Variants in CYFIP1 observed in about 807,000 individuals in gnomAD.
The protein encoded by CYFIP1 is cytoplasmic FMR1-interacting protein 1.
A neutral mutation model predicts 163.5 loss-of-function variants in CYFIP1; 58 were observed. The observed-to-expected ratio is 0.35, with a 90% CI of 0.29 to 0.44. CYFIP1 has a LOEUF of 0.44. Among genes scored for constraint, CYFIP1 ranks in the 20% least tolerant of loss-of-function variants. The probability of loss-of-function intolerance (pLI) is 1.00; values close to 1 mark genes in which losing one functional copy is unlikely to be tolerated. For missense variants in CYFIP1, 1,338 were observed against 1,653.8 expected (o/e 0.81, Z 3.31); for synonymous variants, 663 against 660.7 (o/e 1.00, Z -0.05).
At chr15:22,930,134 G>A (rs1263927219) in intron 11 of CYFIP1, among the ~76,000 whole-genome samples, 2 of 151,702 alleles carry the variant, frequency 1.3e-5, no homozygotes, top group African/African-American at 4.8e-5. Context: ...CGAGACGGGT[G>A]GATCACCAGG....
chr15:22,955,838 A>G (rs965600546), intron 1 of CYFIP1, among the ~76,000 whole-genome samples: 37 of 152,076 alleles, frequency 2.4e-4, no homozygotes, highest in Non-Finnish European at 1.6e-4. Context: ...CAGACATCCC[A>G]GGAGATGGGA....
intron 11 of CYFIP1, among the ~76,000 whole-genome samples, chr15:22,928,814 G>A (rs1164932149): frequency 6.6e-6 from 1 of 152,136 alleles, no homozygotes; most frequent in Non-Finnish European, 1.5e-5. Flanking sequence ...GAAATGCAAT[G>A]CCTAGAAGTC....
chr15:22,956,468 G>GA (rs748521810), intron 1 of CYFIP1, among the ~76,000 whole-genome samples: 4 of 151,568 alleles, frequency 2.6e-5, no homozygotes, highest in East Asian at 1.9e-4. Context: ...AAGGGAAAAG[G>GA]AAAAAAAAAG....
chr15:22,869,886 TTTA>T lies in CYFIP1; in HGVS notation c.*139_*141del. On this transcript the variant is annotated 3_prime_UTR_variant, in exon 31 of 31. Coordinates refer to ENST00000617928, the MANE Select transcript of CYFIP1 (RefSeq NM_014608.6). The stretch of plus-strand genomic sequence containing the variant: ...TTTTAGTCTAGAAAAATAAGTCAAT[TTTA>T]TAAAATTAAGTTTTTAGATCGAAAA... 1 of 692,290 alleles carries T rather than the reference TTTA, an allele frequency of 1.4e-6. No homozygotes were observed. Among genetic ancestry groups the T allele is most frequent in the Non-Finnish European group, 2.1e-6 (1 of 482,148 alleles). 42.9% of individuals were successfully genotyped at this position (692,290 alleles called of 1,614,324 possible). A position where few individuals can be genotyped will look rare whatever the true frequency, so the allele number is the denominator to read the frequency against.
At chr15:22,954,994 T>C (rs2062394261) in intron 1 of CYFIP1, among the ~76,000 whole-genome samples, 1 of 152,150 alleles carries the variant, frequency 6.6e-6, no homozygotes, top group Admixed American at 6.5e-5. Flanking sequence ...TGGCTCCGTG[T>C]CTGAGCTCAC....
chr15:22,916,861 G>A (rs1471445912), intron 15 of CYFIP1: 1 of 1,552,344 alleles, frequency 6.4e-7, no homozygotes, highest in South Asian at 1.2e-5. Context: ...TAAACGTCAA[G>A]AGAAACAAAT....
In CYFIP1 at chr15:22,917,175, C is replaced by T; in HGVS notation, c.1675-545G>A. The T allele has an allele frequency of 7.0e-7, 1 of 1,430,928 alleles. No homozygotes were observed. The allele number at this position is 1,430,928 out of a possible 1,614,324, so 88.6% of individuals were successfully genotyped here. On this transcript the variant is annotated intron_variant, in intron 15 of 30. Coordinates refer to ENST00000617928, the MANE Select transcript of CYFIP1 (RefSeq NM_014608.6). The surrounding 1 kb of genome is among the most constrained non-coding windows in gnomAD (Gnocchi z 4.2). The stretch of plus-strand genomic sequence containing the variant: ...CACAGGCCGAGGGCCGTCCCCCTGA[C>T]CCTCCTGCAGAGCCAGCAGCGTGCA...
chr15:22,877,095 T>C (rs1040475060), intron 26 of CYFIP1, among the ~76,000 whole-genome samples: 1 of 152,136 alleles, frequency 6.6e-6, no homozygotes, highest in Non-Finnish European at 1.5e-5. Context: ...CATGGTGAAA[T>C]TTAATTGCCA....
At chr15:22,950,197 G>C (rs1440888978) in intron 1 of CYFIP1, among the ~76,000 whole-genome samples, 1 of 152,062 alleles carries the variant, frequency 6.6e-6, no homozygotes, top group Non-Finnish European at 1.5e-5. Flanking sequence ...AATTAGAAGA[G>C]GTTGTCAGAA....
At position 22,870,026 on chromosome 15, in the gene CYFIP1, C is replaced by T. The variant is rs758225301; in HGVS notation, c.*2G>A. ...TTGAGTTACGGAGTGCAGCGCGTGCCCTCAGCTGCTGGCGAGGGACTGGTG... is the reference window on the plus strand; with the variant it reads ...TTGAGTTACGGAGTGCAGCGCGTGCTCTCAGCTGCTGGCGAGGGACTGGTG... On this transcript the variant is annotated 3_prime_UTR_variant, in exon 31 of 31. Coordinates refer to ENST00000617928, the MANE Select transcript of CYFIP1 (RefSeq NM_014608.6). 12 of 1,597,572 alleles carry T rather than the reference C, an allele frequency of 7.5e-6. No homozygotes were observed. The Admixed American group carries it at 1.1e-4, about 15-fold the overall frequency.
chr15:22,870,329 G>GAT, intron 30 of CYFIP1, 137 bp from the exon 31 acceptor site: 3 of 833,162 alleles, frequency 3.6e-6, no homozygotes, highest in Non-Finnish European at 5.3e-6. Flanking sequence ...TTCTTTTTGG[G>GAT]TTTTTTTTTG....
intron 15 of CYFIP1, chr15:22,916,891 T>A: frequency 6.4e-7 from 1 of 1,551,524 alleles, no homozygotes; most frequent in Non-Finnish European, 8.7e-7. Context: ...CCACCAAAGG[T>A]TAAAAGGGGT....
At chr15:22,943,965 G>A (rs764038946) in intron 5 of CYFIP1, among the ~76,000 whole-genome samples, 6 of 152,100 alleles carry the variant, frequency 3.9e-5, no homozygotes, top group East Asian at 3.9e-4. Context: ...TTGGCCAGGC[G>A]TGGTGGCTCA....
chr15:22,871,641 C>T (rs2059436498), intron 30 of CYFIP1, among the ~76,000 whole-genome samples: 1 of 152,138 alleles, frequency 6.6e-6, no homozygotes, highest in African/African-American at 2.4e-5. Flanking sequence ...TGGGGTTGTC[C>T]AGTGGGCTCA....
chr15:22,887,500 G>C (rs555338732), intron 23 of CYFIP1, among the ~76,000 whole-genome samples: 7 of 152,316 alleles, frequency 4.6e-5, no homozygotes, highest in African/African-American at 1.4e-4. Context: ...AGTCATCAGT[G>C]AAATCTAATG....
In CYFIP1 at chr15:22,978,436, T is replaced by C. The variant is rs1388589624; in HGVS notation, c.-7+1851A>G. On this transcript the variant is annotated intron_variant, in intron 1 of 30. Transcript: ENST00000617928. Reference sequence around the variant, plus strand: ...GAGGGAAATCTGTGTGTACAGACTATATATATCAACATGTAAAGATTGCTA... The same window carrying C: ...GAGGGAAATCTGTGTGTACAGACTACATATATCAACATGTAAAGATTGCTA... 1.4e-5 allele frequency among the ~76,000 whole-genome samples: 2 copies of C among 147,232 alleles called. 1 individual carries two copies. The highest frequency in any genetic ancestry group is 3.0e-5 in the Non-Finnish European group (2 of 67,178).
At chr15:22,922,023 A>G (rs1367834290) in intron 13 of CYFIP1, among the ~76,000 whole-genome samples, 1 of 152,166 alleles carries the variant, frequency 6.6e-6, no homozygotes, top group African/African-American at 2.4e-5. Context: ...GAGAGAATCA[A>G]GGTGGACCCT....
chr15:22,881,346 A>G (rs1045199555), intron 25 of CYFIP1, among the ~76,000 whole-genome samples: 5 of 152,226 alleles, frequency 3.3e-5, no homozygotes, highest in Non-Finnish European at 7.3e-5. Flanking sequence ...TTATGAGACA[A>G]TGCTTTCTGA....
At chr15:22,952,376 G>T (rs540837321) in intron 1 of CYFIP1, among the ~76,000 whole-genome samples, 2 of 151,994 alleles carry the variant, frequency 1.3e-5, no homozygotes, top group Non-Finnish European at 2.9e-5. Context: ...GAAGATGGGG[G>T]AGGACGCGGT....
Sources: allele counts gnomAD v4.1 joint callset (sites outside exome capture counted in the v4.1 genomes callset), GRCh38; gene constraint gnomAD v4.1.1; non-coding constraint Gnocchi (gnomAD v3.1); transcripts MANE v1.5; gene names NCBI Gene and HGNC (gene_info 2026-07-23, HGNC 2026-07-21).